ATP2C2: variants seen among roughly 807,000 people sequenced by gnomAD.
ATP2C2 encodes the protein calcium-transporting ATPase type 2C member 2.
ATP2C2 carries 171 observed loss-of-function variants against 110.8 expected under a neutral mutation model. That is an observed-to-expected ratio of 1.54 (90% CI 1.36 to 1.75). The LOEUF is 1.75. Among genes scored for constraint, ATP2C2 ranks in the 40% most tolerant of loss-of-function variants. The pLI is 0.00. For synonymous variants in ATP2C2, 804 were observed against 508.4 expected (o/e 1.58, Z -7.82); for missense variants, 1,963 against 1,235.0 (o/e 1.59, Z -8.84).
At chr16:84,396,016 C>G (rs1904950786) in intron 1 of ATP2C2, among the ~76,000 whole-genome samples, 1 of 152,138 alleles carries the variant, frequency 6.6e-6, no homozygotes, top group African/African-American at 2.4e-5. Flanking sequence ...TCCTTTCTGT[C>G]TCTGTGAGTT....
In ATP2C2 at chr16:84,440,861, G is replaced by T. The variant is rs138839881; in HGVS notation, c.1214G>T (p.Ser405Ile). 128 of 1,612,718 alleles carry T rather than the reference G, an allele frequency of 7.9e-5. No homozygotes were observed. In the African/African-American group the frequency reaches 1.5e-3, roughly 18 times the overall value. The stretch of plus-strand genomic sequence containing the variant: ...TTCTTCTGCCTCGCCCTGCAGGTCA[G>T]CGGAGTTGGGTATGACGGTCAAGGG... ...VTSDGLRAEV[S>I]GVGYDGQGTV... Residue 405 changes from serine (S) to isoleucine (I), a missense_variant, in exon 14 of 27, where the codon AGC (serine) becomes ATC (isoleucine). Physicochemically the swap from Ser to Ile is moderately radical, Grantham distance 142 (BLOSUM62 -2). Transcript: ENST00000262429.
At chr16:84,372,378 G>A (rs1778790062) in intron 1 of ATP2C2, among the ~76,000 whole-genome samples, 1 of 152,194 alleles carries the variant, frequency 6.6e-6, no homozygotes, top group Admixed American at 6.5e-5. Context: ...GATCATTAGT[G>A]TTTCTCAGAA....
chr16:84,429,715 C>G (rs1040964537), intron 11 of ATP2C2, among the ~76,000 whole-genome samples: 1 of 152,054 alleles, frequency 6.6e-6, no homozygotes, highest in African/African-American at 2.4e-5. Flanking sequence ...GAGCGTGAAG[C>G]TGAGATCTGG....
chr16:84,428,769 A>G (rs566620019), intron 11 of ATP2C2, among the ~76,000 whole-genome samples: 1 of 152,324 alleles, frequency 6.6e-6, no homozygotes, highest in Non-Finnish European at 1.5e-5. Flanking sequence ...CTTAAATGAT[A>G]GTTTTCAATA....
chr16:84,426,051 T>TAA (rs11286978), intron 11 of ATP2C2: 14 of 359,578 alleles, frequency 3.9e-5, no homozygotes, highest in African/African-American at 1.3e-4. Context: ...CTTGCATTGC[T>TAA]AAAAAAAAAA....
chr16:84,444,669 G>C (rs1207031626), intron 15 of ATP2C2, among the ~76,000 whole-genome samples: 3 of 152,252 alleles, frequency 2.0e-5, no homozygotes. Flanking sequence ...TGACACCCAT[G>C]TGTCACCTTG....
intron 17 of ATP2C2, among the ~76,000 whole-genome samples, chr16:84,451,715 G>A (rs539773663): frequency 4.6e-5 from 7 of 152,158 alleles, no homozygotes; most frequent in South Asian, 2.1e-4. Context: ...GCGCATGCCC[G>A]TAATCCCAGC....
At chr16:84,428,554 A>C (rs956827757) in intron 11 of ATP2C2, among the ~76,000 whole-genome samples, 2 of 152,244 alleles carry the variant, frequency 1.3e-5, no homozygotes, top group Non-Finnish European at 2.9e-5. Flanking sequence ...ACACAAAAAA[A>C]ACATGGAAAA....
intron 26 of ATP2C2, 104 bp from the exon 27 acceptor site, chr16:84,463,510 C>G: frequency 3.1e-6 from 3 of 956,282 alleles, no homozygotes; most frequent in South Asian, 1.4e-5. Context: ...GGCTGGTCCT[C>G]CGCACCTCTC....
chr16:84,450,251 C>T (rs991616818), intron 17 of ATP2C2, among the ~76,000 whole-genome samples: 3 of 152,162 alleles, frequency 2.0e-5, no homozygotes, highest in African/African-American at 7.2e-5. Context: ...AAGGCCTGTG[C>T]GTTTTTCCAA....
intron 1 of ATP2C2, among the ~76,000 whole-genome samples, chr16:84,371,674 G>T (rs1033362001): frequency 3.9e-5 from 6 of 152,224 alleles, no homozygotes; most frequent in Admixed American, 3.9e-4. Context: ...CTGCCCCTCA[G>T]GGCTCCCATC....
At chr16:84,456,113 G>C (rs1910767096) in intron 21 of ATP2C2, among the ~76,000 whole-genome samples, 1 of 108,818 alleles carries the variant, frequency 9.2e-6, no homozygotes, top group Non-Finnish European at 1.9e-5. Context: ...TCTCTGCCCG[G>C]CTTTGGTATC....
rs191367019 is a variant in ATP2C2, at chr16:84,400,799, A to G, written c.210+2190A>G. 4.6e-5 allele frequency among the ~76,000 whole-genome samples: 7 copies of G among 152,204 alleles called. No individual in the cohort carries two copies. In the East Asian group the frequency reaches 1.2e-3, roughly 25 times the overall value. On this transcript the variant is annotated intron_variant, in intron 2 of 26. Coordinates refer to ENST00000262429, the MANE Select transcript of ATP2C2 (RefSeq NM_014861.4). ...GAGATGATACCTCATTGTAGTTTTG[A>G]TTTGCATTTCTCTGATCACAGATGG...
At chr16:84,415,461 C>T in intron 6 of ATP2C2, 22 bp from the exon 7 acceptor site, 6 of 1,605,482 alleles carry the variant, frequency 3.7e-6, no homozygotes, top group Non-Finnish European at 5.1e-6. Context: ...GATGCTTTTG[C>T]TTTTTACCAT....
chr16:84,461,872 C>G, intron 25 of ATP2C2, 60 bp downstream of exon 25: 1 of 1,608,008 alleles, frequency 6.2e-7, no homozygotes, highest in Non-Finnish European at 8.5e-7. Flanking sequence ...ACAGCAGCGC[C>G]CCGACCCTGC....
chr16:84,462,039 T>C lies in ATP2C2; in HGVS notation c.2632T>C (p.Ser878Pro). The C allele has an allele frequency of 1.2e-6, 2 of 1,614,078 alleles. No homozygotes were observed. The highest frequency in any genetic ancestry group is 1.7e-6 in the Non-Finnish European group (2 of 1,179,976). Reference protein sequence around the residue: ...GFLRNHMFLYSVLGSILGQLA... With the variant: ...GFLRNHMFLYPVLGSILGQLA... ...TCTCAGGAACCACATGTTCCTCTAC[T>C]CCGTCCTGGGGTCCATCCTGGGGCA... The change falls in exon 26 of 27, where the codon TCC (serine) becomes CCC (proline). Residue 878 changes from serine (S) to proline (P), a missense_variant. By Grantham distance (74) the Ser-to-Pro change is moderately conservative (BLOSUM62 -1). Transcript: ENST00000262429.
intron 1 of ATP2C2, among the ~76,000 whole-genome samples, chr16:84,376,145 C>G (rs1023187945): frequency 1.3e-5 from 2 of 151,974 alleles, no homozygotes; most frequent in Non-Finnish European, 2.9e-5. Context: ...CGACCCCTTG[C>G]GGCTTCCCAA....
intron 1 of ATP2C2, among the ~76,000 whole-genome samples, chr16:84,385,271 C>T (rs1567687081): frequency 6.6e-6 from 1 of 151,986 alleles, no homozygotes; most frequent in African/African-American, 2.4e-5. Context: ...GTGTCCCATG[C>T]TTTTAAATGA....
In ATP2C2 at chr16:84,430,029, C is replaced by T. The variant is rs538900833; in HGVS notation, c.986+4228C>T. 1.6e-4 allele frequency among the ~76,000 whole-genome samples: 24 copies of T among 152,122 alleles called. No individual in the cohort carries two copies. The East Asian group carries it at 3.5e-3, about 22-fold the overall frequency. On this transcript the variant is annotated intron_variant, in intron 11 of 26. Transcript: ENST00000262429. ...CCTCTGTCTCTGCGTCTCTTCTCTT[C>T]TTTTTATAAGGACGCCAGTTGTATT...
Sources: gnomAD v4.1 joint callset for allele counts (sites outside exome capture counted in the v4.1 genomes callset) on GRCh38, gnomAD v4.1.1 for gene constraint, MANE v1.5 for transcripts, NCBI Gene and HGNC (gene_info 2026-07-23, HGNC 2026-07-21) for gene names.